PDZRN4: variants seen among roughly 807,000 people sequenced by gnomAD.
PDZRN4 encodes PDZ domain containing ring finger 4.
A neutral mutation model predicts 99.0 loss-of-function variants in PDZRN4; 70 were observed. The ratio of observed to expected loss-of-function variants is 0.71; its 90% confidence interval spans 0.58 to 0.86. The LOEUF is 0.86. PDZRN4 is among the 40% of genes least tolerant of loss of function. The pLI, the probability that PDZRN4 is intolerant of heterozygous loss-of-function variation, is 0.00. For synonymous variants in PDZRN4, 551 were observed against 501.6 expected (o/e 1.10, Z -1.32); for missense variants, 1,474 against 1,331.2 (o/e 1.11, Z -1.67).
chr12:41,498,312 C>T (rs1018842906), intron 3 of PDZRN4, among the ~76,000 whole-genome samples: 1 of 151,948 alleles, frequency 6.6e-6, no homozygotes, highest in African/African-American at 2.4e-5. Flanking sequence ...TTAGACAAAC[C>T]CAAATGGAGG....
At chr12:41,476,999 T>C (rs1162801248) in intron 3 of PDZRN4, among the ~76,000 whole-genome samples, 1 of 152,226 alleles carries the variant, frequency 6.6e-6, no homozygotes, top group Non-Finnish European at 1.5e-5. Flanking sequence ...GATCTGAATA[T>C]ACAAAAGTCA....
In PDZRN4 at chr12:41,521,137, T is replaced by A. The variant is rs10880090; in HGVS notation, c.1203+11224T>A. 7.7e-3 allele frequency among the ~76,000 whole-genome samples: 1,165 copies of A among 152,268 alleles called. 54 individuals carry two copies. In the East Asian group the frequency reaches 0.14, roughly 18 times the overall value. On this transcript the variant is annotated intron_variant, in intron 5 of 9. Transcript: ENST00000402685. ...CCAGTCTCTCAAATATTCTTTTGCC[T>A]GTGCTTTCATTTCATTGTTCTTGCC...
Position 41,189,115 on chromosome 12 carries a change from G to T in PDZRN4, c.648+12G>T. On this transcript the variant is annotated intron_variant, in intron 1 of 9. Coordinates refer to ENST00000402685, the MANE Select transcript of PDZRN4 (RefSeq NM_001164595.2). ...GCGGCCACCGCAGGGTAAGCAAAGG[G>T]GGGTGGGCACCGCGGGCATGGTCGA... 6.3e-7 allele frequency: 1 copy of T among 1,576,126 alleles called. No homozygotes were observed. The highest frequency in any genetic ancestry group is 2.3e-5 in the East Asian group (1 of 43,818).
chr12:41,409,940 A>C (rs1952382268), intron 3 of PDZRN4: 1 of 152,214 alleles, frequency 6.6e-6, no homozygotes, highest in Non-Finnish European at 1.5e-5. Flanking sequence ...TCACAGGGCT[A>C]TCTTCTTATA....
chr12:41,275,152 G>C (rs1268592744), intron 3 of PDZRN4, among the ~76,000 whole-genome samples: 2 of 152,114 alleles, frequency 1.3e-5, no homozygotes, highest in East Asian at 3.9e-4. Flanking sequence ...GGAAGGGAGA[G>C]TGGATATGCC....
chr12:41,364,415 G>A (rs1024902636), intron 3 of PDZRN4, among the ~76,000 whole-genome samples: 4 of 152,014 alleles, frequency 2.6e-5, no homozygotes, highest in East Asian at 3.9e-4. Context: ...GGGTGACAGG[G>A]CCTGAGCACT....
Position 41,188,674 on chromosome 12 carries a change from C to T in PDZRN4, c.219C>T (p.Leu73=). 1 of 1,556,440 alleles carries T rather than the reference C, an allele frequency of 6.4e-7. No individual in the cohort carries two copies. Among genetic ancestry groups the T allele is most frequent in the Non-Finnish European group, 8.6e-7 (1 of 1,159,580 alleles). Reference sequence around the variant, plus strand: ...ACCGGGTGCTGCCGCTGCGCAGCCTCATCCAGAAGCTGCGAGTCCAGTGCG... The same window carrying T: ...ACCGGGTGCTGCCGCTGCGCAGCCTTATCCAGAAGCTGCGAGTCCAGTGCG... The part of the protein sequence containing the change: ...ELYRVLPLRS[L]IQKLRVQCDY... Residue 73 remains leucine (L), a synonymous_variant, in exon 1 of 10, where the codon CTC becomes CTT. Transcript: ENST00000402685.
At chr12:41,217,381 T>C (rs192877232) in intron 3 of PDZRN4, among the ~76,000 whole-genome samples, 1 of 152,192 alleles carries the variant, frequency 6.6e-6, no homozygotes, top group Non-Finnish European at 1.5e-5. Flanking sequence ...TTTTGAACAA[T>C]GATTTTCCTG....
At chr12:41,416,094 C>G (rs756454398) in intron 3 of PDZRN4, among the ~76,000 whole-genome samples, 21 of 152,194 alleles carry the variant, frequency 1.4e-4, no homozygotes, top group Non-Finnish European at 2.9e-4. Context: ...TTTCCCAAAT[C>G]ATGCCATTAA....
At chr12:41,522,881 T>A (rs1938516650) in intron 5 of PDZRN4, among the ~76,000 whole-genome samples, 1 of 152,108 alleles carries the variant, frequency 6.6e-6, no homozygotes, top group Non-Finnish European at 1.5e-5. Context: ...TCCAACTATA[T>A]GAAATAAATT....
At chr12:41,549,116 C>A (rs1267217829) in intron 5 of PDZRN4, among the ~76,000 whole-genome samples, 1 of 152,148 alleles carries the variant, frequency 6.6e-6, no homozygotes, top group Non-Finnish European at 1.5e-5. Flanking sequence ...GCGCTGCCAT[C>A]CATGCAGGCT....
chr12:41,492,159 G>A (rs1937899783), intron 3 of PDZRN4, among the ~76,000 whole-genome samples: 1 of 151,500 alleles, frequency 6.6e-6, no homozygotes, highest in Non-Finnish European at 1.5e-5. Flanking sequence ...ATGGCAATAT[G>A]ATAGTTAATT....
intron 3 of PDZRN4, among the ~76,000 whole-genome samples, chr12:41,387,603 A>AC (rs1316276851): frequency 2.6e-5 from 4 of 152,094 alleles, no homozygotes; most frequent in Non-Finnish European, 4.4e-5. Flanking sequence ...AACAACAACA[A>AC]AAAAATGGGC....
chr12:41,493,589 CGTT>C (rs1937931089), intron 3 of PDZRN4, among the ~76,000 whole-genome samples: 1 of 152,072 alleles, frequency 6.6e-6, no homozygotes, highest in African/African-American at 2.4e-5. Flanking sequence ...ATTATTGTCT[CGTT>C]GTACACGCAT....
intron 3 of PDZRN4, among the ~76,000 whole-genome samples, chr12:41,291,837 A>G (rs1390011346): frequency 6.6e-6 from 1 of 150,720 alleles, no homozygotes; most frequent in Non-Finnish European, 1.5e-5. Context: ...CCCCTAATGT[A>G]GTCATTTCAT....
chr12:41,494,113 C>T (rs965452276), intron 3 of PDZRN4, among the ~76,000 whole-genome samples: 8 of 151,706 alleles, frequency 5.3e-5, no homozygotes, highest in Non-Finnish European at 8.8e-5. Context: ...ATTATCCACA[C>T]GGTTATGAAT....
At chr12:41,316,173 G>A (rs376050528) in intron 3 of PDZRN4, among the ~76,000 whole-genome samples, 91 of 151,770 alleles carry the variant, frequency 6.0e-4, no homozygotes, top group African/African-American at 2.1e-3. Flanking sequence ...CCTGATATTC[G>A]TACCTAGTGA....
At chr12:41,353,678 T>C (rs1382809706) in intron 3 of PDZRN4, among the ~76,000 whole-genome samples, 2 of 152,092 alleles carry the variant, frequency 1.3e-5, no homozygotes, top group Admixed American at 6.6e-5. Context: ...AAGTGTTCTC[T>C]CTAGAATGGC....
chr12:41,395,041 A>G (rs536692353), intron 3 of PDZRN4, among the ~76,000 whole-genome samples: 2 of 152,198 alleles, frequency 1.3e-5, no homozygotes, highest in South Asian at 4.2e-4. Flanking sequence ...TCTTATCACA[A>G]ATTATTTATA....
Sources: allele counts gnomAD v4.1 joint callset (sites outside exome capture counted in the v4.1 genomes callset), GRCh38; gene constraint gnomAD v4.1.1; transcripts MANE v1.5; gene names NCBI Gene and HGNC (gene_info 2026-07-23, HGNC 2026-07-21).